Variants in TENT4A observed in about 807,000 individuals in gnomAD.
TENT4A encodes DNA polymerase kappa.
A neutral mutation model predicts 72.8 loss-of-function variants in TENT4A; 7 were observed. The ratio of observed to expected loss-of-function variants is 0.10; its 90% CI spans 0.05 to 0.18. TENT4A has a LOEUF of 0.18. Among genes scored for constraint, TENT4A ranks in the 10% least tolerant of loss-of-function variants. The pLI is 1.00. For missense variants in TENT4A, 831 were observed against 1,017.7 expected, an observed-to-expected ratio of 0.82 and a Z score of 2.50; for synonymous variants, 456 against 434.3, an observed-to-expected ratio of 1.05 and a Z score of -0.62.
intron 11 of TENT4A, 160 bp downstream of exon 11, chr5:6,751,357 T>C (rs1209373779): frequency 1.4e-6 from 1 of 737,322 alleles, no homozygotes; most frequent in African/African-American, 1.8e-5. Context: ...CTCTTTTTTG[T>C]GGTGTTGAGG....
At chr5:6,723,776 GT>G (rs982981246) in intron 1 of TENT4A, among the ~76,000 whole-genome samples, 12 of 152,334 alleles carry the variant, frequency 7.9e-5, no homozygotes, top group Non-Finnish European at 1.6e-4. Context: ...TAGCTGTGGG[GT>G]TGCGGAGTGT....
chr5:6,733,507 C>T (rs1225498838), intron 1 of TENT4A, among the ~76,000 whole-genome samples: 1 of 152,350 alleles, frequency 6.6e-6, no homozygotes, highest in East Asian at 1.9e-4. Flanking sequence ...AGACTGAACA[C>T]TAGTGAGCAG....
At chr5:6,725,880 G>A (rs546311489) in intron 1 of TENT4A, among the ~76,000 whole-genome samples, 1 of 152,316 alleles carries the variant, frequency 6.6e-6, no homozygotes, top group East Asian at 1.9e-4. Context: ...AAAGGGAAAG[G>A]TGTCCAACTT....
At chr5:6,740,713 T>C (rs868503737) in intron 4 of TENT4A, among the ~76,000 whole-genome samples, 6 of 152,226 alleles carry the variant, frequency 3.9e-5, no homozygotes, top group Non-Finnish European at 8.8e-5. Flanking sequence ...GAAGTGCACA[T>C]GCTCATGTCA....
rs537062515 is a variant in TENT4A, at chr5:6,746,396, G to A, written c.1428G>A (p.Ser476=). 5 of 1,614,160 alleles carry A rather than the reference G, an allele frequency of 3.1e-6. No homozygotes were observed. Among genetic ancestry groups the A allele is most frequent in the African/African-American group, 1.3e-5 (1 of 75,044 alleles). Reference sequence around the variant, plus strand: ...CCATGACCAGCGGGTACAGACCGTCGATGCTGTGCATTGAGGACCCCCTGC... The same window carrying A: ...CCATGACCAGCGGGTACAGACCGTCAATGCTGTGCATTGAGGACCCCCTGC... ...MKAMTSGYRP[S]MLCIEDPLLP... is the part of the protein sequence containing the mutation. Residue 476 remains serine (S), a synonymous_variant, in exon 7 of 13, where the codon TCG becomes TCA. Coordinates refer to ENST00000230859, the MANE Select transcript of TENT4A (RefSeq NM_006999.6).
At position 6,754,959 on chromosome 5, in the gene TENT4A, C is replaced by T. The variant is rs374273741; in HGVS notation, c.*14C>T. 1.0e-5 allele frequency: 16 copies of T among 1,559,980 alleles called. No homozygotes were observed. The highest frequency in any genetic ancestry group is 8.1e-5 in the African/African-American group (6 of 74,180). The stretch of plus-strand genomic sequence containing the variant: ...CTCAGCAGATAATGGCTCCTGGCTG[C>T]GTCAGCCTCCCCCACCCCTCTGCAG... On this transcript the variant is annotated 3_prime_UTR_variant, in exon 13 of 13. Transcript: ENST00000230859.
intron 1 of TENT4A, among the ~76,000 whole-genome samples, chr5:6,716,948 G>C (rs1211931892): frequency 1.3e-5 from 2 of 152,208 alleles, no homozygotes; most frequent in Non-Finnish European, 2.9e-5. Context: ...CTGCCCAAAG[G>C]GGCCTGTGAG....
Position 6,742,511 on chromosome 5 carries a change from G to C in TENT4A, c.1030G>C (p.Asp344His). 6.2e-7 allele frequency: 1 copy of C among 1,611,772 alleles called. No individual in the cohort carries two copies. The highest frequency in any genetic ancestry group is 1.3e-5 in the African/African-American group (1 of 75,000). ...KATVPIIKLT[D>H]QETEVKVDIS... ...ACAGGTACCAATAATAAAGCTCACA[G>C]ATCAGGAGACTGAAGTGAAAGTTGA... is the stretch of plus-strand genomic sequence containing the variant. The change falls in exon 5 of 13, where the codon GAT (aspartate) becomes CAT (histidine). Residue 344 changes from aspartate to histidine, a missense_variant. Transcript: ENST00000230859.
At chr5:6,741,841 A>G (rs922812311) in intron 4 of TENT4A, among the ~76,000 whole-genome samples, 4 of 152,230 alleles carry the variant, frequency 2.6e-5, no homozygotes, top group Non-Finnish European at 4.4e-5. Flanking sequence ...GCTGAAGGAA[A>G]CAAAACATTG....
intron 9 of TENT4A, among the ~76,000 whole-genome samples, chr5:6,750,017 G>C (rs547527912): frequency 6.6e-6 from 1 of 152,292 alleles, no homozygotes; most frequent in South Asian, 2.1e-4. Flanking sequence ...AATCCGGTGT[G>C]TATTTATTCG....
In TENT4A at chr5:6,752,766, C is replaced by T. The variant is rs1742480043; in HGVS notation, c.2020-107C>T. ...CAGACTGCTCTATGGAGCCCACATG[C>T]AACTGTGCCATTTATCAGCTGCCCT... On this transcript the variant is annotated intron_variant, in intron 11 of 12. Coordinates refer to ENST00000230859, the MANE Select transcript of TENT4A (RefSeq NM_006999.6). 8.9e-6 allele frequency: 8 copies of T among 897,210 alleles called. No homozygotes were observed. The East Asian group carries it at 1.7e-4, about 19-fold the overall frequency. 55.6% of individuals were successfully genotyped at this position (897,210 alleles called of 1,614,324 possible).
intron 1 of TENT4A, among the ~76,000 whole-genome samples, chr5:6,720,073 G>C (rs1370124520): frequency 6.6e-6 from 1 of 152,170 alleles, no homozygotes; most frequent in African/African-American, 2.4e-5. Context: ...TGGGTAGGGC[G>C]CTGTCAGCTT....
chr5:6,741,397 C>T (rs1470122428), intron 4 of TENT4A, among the ~76,000 whole-genome samples: 7 of 151,994 alleles, frequency 4.6e-5, no homozygotes, highest in Admixed American at 2.0e-4. Flanking sequence ...GGGTTCCTGC[C>T]GTGAGTGAGT....
chr5:6,745,098 C>G (rs1287750334), intron 6 of TENT4A, among the ~76,000 whole-genome samples: 1 of 152,194 alleles, frequency 6.6e-6, no homozygotes, highest in East Asian at 1.9e-4. Context: ...GTGGCAGCAT[C>G]TGAGTTTCTT....
chr5:6,728,144 C>T lies in TENT4A; in HGVS notation c.717-9366C>T, dbSNP rs187011969. 2.0e-4 allele frequency among the ~76,000 whole-genome samples: 31 copies of T among 152,172 alleles called. No individual in the cohort carries two copies. The Middle Eastern group carries it at 0.01, about 50-fold the overall frequency. The stretch of plus-strand genomic sequence containing the variant: ...GCAGCTGCTGCCTGGGGTCTCACGG[C>T]GCCCGTGAGGTGTAGGCAGGTGCTT... On this transcript the variant is annotated intron_variant, in intron 1 of 12. Transcript: ENST00000230859.
intron 1 of TENT4A, among the ~76,000 whole-genome samples, chr5:6,734,551 A>G (rs1424038313): frequency 6.6e-6 from 1 of 152,274 alleles, no homozygotes; most frequent in East Asian, 1.9e-4. Context: ...TCCAAGAGGC[A>G]TGGATGGCCG....
chr5:6,717,295 C>G (rs274725), intron 1 of TENT4A, among the ~76,000 whole-genome samples: 44,100 of 152,144 alleles, frequency 0.29, 6,852 homozygotes, highest in East Asian at 0.4. Context: ...GACCTTGTTG[C>G]TGAGAAGCTG....
In TENT4A at chr5:6,756,357, C is replaced by T. The variant is rs1742700338; in HGVS notation, c.*1412C>T. 1 of 152,572 alleles carries T rather than the reference C, an allele frequency of 6.6e-6. No individual in the cohort carries two copies. The highest frequency in any genetic ancestry group is 6.5e-5 in the Admixed American group (1 of 15,278). The allele number at this position is 152,572 out of a possible 1,614,324, so 9.5% of individuals were successfully genotyped here. On this transcript the variant is annotated 3_prime_UTR_variant, in exon 13 of 13. Coordinates refer to ENST00000230859, the MANE Select transcript of TENT4A (RefSeq NM_006999.6). Reference sequence around the variant, plus strand: ...GACTTCCTGTTTTTAAAACGGGGGTCTGGTCTTGCTAAACACTACAGGTAG... The same window carrying T: ...GACTTCCTGTTTTTAAAACGGGGGTTTGGTCTTGCTAAACACTACAGGTAG...
At chr5:6,738,175 G>A (rs555985742) in intron 2 of TENT4A, among the ~76,000 whole-genome samples, 93 of 152,194 alleles carry the variant, frequency 6.1e-4, no homozygotes, top group Non-Finnish European at 1.2e-3. Context: ...GCCCCTGGCC[G>A]GCTCTATTCA....
Sources: gnomAD v4.1 joint callset for allele counts (sites outside exome capture counted in the v4.1 genomes callset) on GRCh38, gnomAD v4.1.1 for gene constraint, MANE v1.5 for transcripts, NCBI Gene and HGNC (gene_info 2026-07-23, HGNC 2026-07-21) for gene names.